The following DENND4C variants were observed in gnomAD, a reference collection of about 807,000 sequenced individuals.
DENND4C encodes the protein DENN domain-containing protein 4C.
DENND4C carries 108 observed loss-of-function variants against 203.0 expected under a neutral mutation model. That is an observed-to-expected ratio of 0.53 (90% CI 0.46 to 0.62). The LOEUF (loss-of-function observed/expected upper bound fraction) is 0.62, where lower values mean the gene tolerates loss of function less well. Ranked by LOEUF, DENND4C falls within the 20% of genes least tolerant of loss-of-function variation. The pLI is 0.00. For synonymous variants in DENND4C, 871 were observed against 792.4 expected, an observed-to-expected ratio of 1.10 and a Z score of -1.67; for missense variants, 2,481 against 2,301.2, an observed-to-expected ratio of 1.08 and a Z score of -1.60.
chr9:19,369,713 G>C (rs1828387090), intron 30 of DENND4C, 124 bp from the exon 31 acceptor site: 1 of 505,286 alleles, frequency 2.0e-6, no homozygotes, highest in Middle Eastern at 7.0e-4. Flanking sequence ...GTTGCAGTGA[G>C]CCATGATCAC....
chr9:19,349,659 T>G (rs898719568), intron 23 of DENND4C, among the ~76,000 whole-genome samples: 2 of 152,162 alleles, frequency 1.3e-5, no homozygotes, highest in African/African-American at 4.8e-5. Flanking sequence ...AAGGAATTAA[T>G]TAGAGGTATA....
intron 26 of DENND4C, among the ~76,000 whole-genome samples, chr9:19,355,258 C>T (rs1825145564): frequency 6.6e-6 from 1 of 152,106 alleles, no homozygotes; most frequent in African/African-American, 2.4e-5. Flanking sequence ...GTTGATCTGA[C>T]TTGAATATTA....
chr9:19,231,922 CG>C (rs2131301528), intron 1 of DENND4C, among the ~76,000 whole-genome samples: 1 of 152,156 alleles, frequency 6.6e-6, no homozygotes, highest in South Asian at 2.1e-4. Flanking sequence ...GAGGGGAGAA[CG>C]TTAGTGCTAA....
chr9:19,322,646 G>C (rs139067833), intron 12 of DENND4C, among the ~76,000 whole-genome samples: 116 of 149,290 alleles, frequency 7.8e-4, no homozygotes, highest in African/African-American at 2.8e-3. Flanking sequence ...TGAGGCAGGA[G>C]AATGGCATGA....
chr9:19,249,052 A>G (rs1024900256), intron 1 of DENND4C, among the ~76,000 whole-genome samples: 1 of 152,108 alleles, frequency 6.6e-6, no homozygotes, highest in Non-Finnish European at 1.5e-5. Flanking sequence ...CGGTCTCCCA[A>G]AGTGCTGGGA....
intron 1 of DENND4C, among the ~76,000 whole-genome samples, chr9:19,245,171 T>TA (rs1248851749): frequency 6.6e-6 from 1 of 152,094 alleles, no homozygotes; most frequent in Non-Finnish European, 1.5e-5. Flanking sequence ...CTGATTTTTT[T>TA]AAAAAAGTGT....
intron 16 of DENND4C, among the ~76,000 whole-genome samples, chr9:19,329,565 A>G (rs1273155744): frequency 6.6e-6 from 1 of 152,194 alleles, no homozygotes; most frequent in East Asian, 1.9e-4. Context: ...GTATATATCT[A>G]GGAGTAAATT....
chr9:19,299,319 T>G (rs1418595139), intron 8 of DENND4C, 32 bp downstream of exon 8: 1 of 1,439,602 alleles, frequency 6.9e-7, no homozygotes, highest in Non-Finnish European at 9.5e-7. Context: ...GATATATTTA[T>G]TCAGTTGGAG....
At chr9:19,315,016 T>C (rs1841516369) in intron 10 of DENND4C, among the ~76,000 whole-genome samples, 1 of 151,920 alleles carries the variant, frequency 6.6e-6, no homozygotes, top group South Asian at 2.1e-4. Flanking sequence ...AAAAATTAGC[T>C]GGGCGTGATG....
At chr9:19,287,329 G>A (rs570537437) in intron 3 of DENND4C, among the ~76,000 whole-genome samples, 3 of 152,210 alleles carry the variant, frequency 2.0e-5, no homozygotes, top group South Asian at 4.2e-4. Flanking sequence ...GGTTAGAGTG[G>A]GTAGAAGCTC....
intron 12 of DENND4C, among the ~76,000 whole-genome samples, chr9:19,319,421 C>CT (rs1842496890): frequency 1.4e-5 from 2 of 139,096 alleles, no homozygotes; most frequent in South Asian, 4.5e-4. Flanking sequence ...TATATATATA[C>CT]ATATATATAT....
Position 19,346,756 on chromosome 9 carries a change from T to G in DENND4C, c.3987T>G (p.Pro1329=). The part of the protein sequence containing the change: ...IHALERRSSL[P]LDHGSPAQEN... ...CTCTAGAGAGGAGATCAAGCCTACC[T>G]TTAGATCATGGTTCACCAGCACAGG... Residue 1329 remains proline (P), a synonymous_variant, in exon 23 of 33, where the codon CCT becomes CCG. Coordinates refer to ENST00000434457, the MANE Select transcript of DENND4C (RefSeq NM_001330640.2). The G allele has an allele frequency of 6.2e-7, 1 of 1,614,188 alleles. No individual in the cohort carries two copies. Among genetic ancestry groups the G allele is most frequent in the Non-Finnish European group, 8.5e-7 (1 of 1,180,044 alleles).
rs1252541555 is a variant in DENND4C at position 19,347,067 on chromosome 9, A to T, written c.4298A>T (p.Tyr1433Phe). Residue 1433 changes from tyrosine (Y) to phenylalanine (F), a missense_variant, in exon 23 of 33, where the codon TAC (tyrosine) becomes TTC (phenylalanine). This residue lies in a region of DENND4C where 2,289 missense variants were observed against 2,113.3 expected (regional missense o/e 1.08). Transcript: ENST00000434457. ...ATGTGGGTAGCTGTTGCGTCTGCCT[A>T]CAGCTACTCAGATGATGAGGTAAGA... ...SKMWVAVASAYSYSDDEEETN... is the reference protein window; with the variant it reads ...SKMWVAVASAFSYSDDEEETN... 1.2e-6 allele frequency: 2 copies of T among 1,613,306 alleles called. No homozygotes were observed. The highest frequency in any genetic ancestry group is 2.7e-5 in the African/African-American group (2 of 74,914).
chr9:19,328,080 A>G lies in DENND4C; in HGVS notation c.2171A>G (p.Glu724Gly). 1 of 1,613,722 alleles carries G rather than the reference A, an allele frequency of 6.2e-7. No homozygotes were observed. Among genetic ancestry groups the G allele is most frequent in the Non-Finnish European group, 8.5e-7 (1 of 1,179,862 alleles). Reference sequence around the variant, plus strand: ...CTTAAGCTTTTTGACAGACCGCAGGAGTTGAAACTTTGTTTTAGTAGACAC... The same window carrying G: ...CTTAAGCTTTTTGACAGACCGCAGGGGTTGAAACTTTGTTTTAGTAGACAC... ...LDLKLFDRPQ[E>G]LKLCFSRHPT... Residue 724 changes from glutamate (E) to glycine (G), a missense_variant, in exon 16 of 33, where the codon GAG becomes GGG. By Grantham distance (98) the Glu-to-Gly change is moderately conservative. This residue lies in a region of DENND4C where 2,289 missense variants were observed against 2,113.3 expected (regional missense o/e 1.08). Coordinates refer to ENST00000434457, the MANE Select transcript of DENND4C (RefSeq NM_001330640.2).
intron 1 of DENND4C, among the ~76,000 whole-genome samples, chr9:19,274,387 C>T (rs1316806713): frequency 6.6e-6 from 1 of 151,942 alleles, no homozygotes; most frequent in Non-Finnish European, 1.5e-5. Flanking sequence ...CCTCCGCCTA[C>T]CGGGTTCAAG....
rs1209361636 is a variant in DENND4C, at chr9:19,279,154, C to T, written c.305+2675C>T. The stretch of plus-strand genomic sequence containing the variant: ...GACCATCCTGGCCAACATGATGAAA[C>T]CCCATCTCTACTAAAAATACAAAAA... On this transcript the variant is annotated intron_variant, in intron 2 of 32. Coordinates refer to ENST00000434457, the MANE Select transcript of DENND4C (RefSeq NM_001330640.2). Among the ~76,000 whole-genome samples the T allele has an allele frequency of 2.0e-5, 2 of 97,838 alleles. 1 individual carries two copies. The highest frequency in any genetic ancestry group is 8.5e-4 in the East Asian group (2 of 2,352). 64.2% of individuals were successfully genotyped at this position (97,838 alleles called of 152,430 possible).
At chr9:19,286,622 G>C (rs771600021) in intron 2 of DENND4C, 147 bp from the exon 3 acceptor site, 75 of 609,624 alleles carry the variant, frequency 1.2e-4, no homozygotes, top group Non-Finnish European at 1.6e-4. Flanking sequence ...GTGAAGATTT[G>C]GGAAACAATA....
chr9:19,340,167 G>A (rs1302939729), intron 20 of DENND4C, among the ~76,000 whole-genome samples: 1 of 151,720 alleles, frequency 6.6e-6, no homozygotes, highest in Admixed American at 6.6e-5. Context: ...TTTGGGCTCA[G>A]TGTTAACATA....
intron 12 of DENND4C, among the ~76,000 whole-genome samples, chr9:19,321,970 A>T (rs893370713): frequency 1.3e-5 from 2 of 152,316 alleles, no homozygotes; most frequent in East Asian, 3.9e-4. Flanking sequence ...GTAAAAAGGC[A>T]GAAGGAATAA....
Sources: gnomAD v4.1 joint callset for allele counts (sites outside exome capture counted in the v4.1 genomes callset) on GRCh38, gnomAD v4.1.1 for gene constraint, gnomAD v4.1.1 regional missense constraint, MANE v1.5 for transcripts, NCBI Gene and HGNC (gene_info 2026-07-23, HGNC 2026-07-21) for gene names.